Variants in ERGIC1 observed in about 807,000 individuals in gnomAD.
ERGIC1 encodes the protein endoplasmic reticulum-Golgi intermediate compartment protein 1.
In ERGIC1, 19 loss-of-function variants were observed where a neutral mutation model predicts 38.3. The ratio of observed to expected loss-of-function variants is 0.50; its 90% CI spans 0.35 to 0.73. ERGIC1 has a LOEUF of 0.73. ERGIC1 is among the 30% of genes least tolerant of loss of function. The pLI is 0.01. For synonymous variants in ERGIC1, 124 were observed against 157.6 expected, an observed-to-expected ratio of 0.79 and a Z score of 1.60; for missense variants, 294 against 389.2, an observed-to-expected ratio of 0.76 and a Z score of 2.06.
intron 1 of ERGIC1, among the ~76,000 whole-genome samples, chr5:172,886,156 AGC>A (rs1762412283): frequency 6.6e-6 from 1 of 151,536 alleles, no homozygotes; most frequent in Non-Finnish European, 1.5e-5. Context: ...GAGACTCCCT[AGC>A]CACAGCCTGG....
intron 3 of ERGIC1, among the ~76,000 whole-genome samples, chr5:172,897,395 C>G (rs1338398757): frequency 6.7e-6 from 1 of 148,750 alleles, no homozygotes; most frequent in African/African-American, 2.5e-5. Flanking sequence ...CGCCACTGCA[C>G]TCCAGCCTGA....
At chr5:172,927,657 G>A (rs1763686059) in intron 7 of ERGIC1, among the ~76,000 whole-genome samples, 1 of 148,314 alleles carries the variant, frequency 6.7e-6, no homozygotes, top group Admixed American at 6.9e-5. Flanking sequence ...TCGGCTCACT[G>A]CAACCTCAGC....
At chr5:172,899,741 CA>C (rs1456649647) in intron 3 of ERGIC1, among the ~76,000 whole-genome samples, 1 of 152,138 alleles carries the variant, frequency 6.6e-6, no homozygotes, top group East Asian at 1.9e-4. Flanking sequence ...AACAAGCAAA[CA>C]AAACTAGACT....
intron 5 of ERGIC1, among the ~76,000 whole-genome samples, chr5:172,920,947 A>G (rs1171561721): frequency 3.9e-5 from 6 of 152,130 alleles, no homozygotes; most frequent in Non-Finnish European, 7.4e-5. Context: ...CATTATTTTT[A>G]TCGGTGAAAA....
intron 1 of ERGIC1, among the ~76,000 whole-genome samples, chr5:172,847,794 T>A (rs1469043514): frequency 6.6e-6 from 1 of 152,270 alleles, no homozygotes; most frequent in Admixed American, 6.5e-5. Flanking sequence ...ATTACAGGCA[T>A]GTGCCACCAC....
intron 7 of ERGIC1, among the ~76,000 whole-genome samples, chr5:172,928,558 C>G (rs540521534): frequency 2.0e-5 from 3 of 152,362 alleles, no homozygotes; most frequent in Non-Finnish European, 4.4e-5. Context: ...TCTGAAATCA[C>G]CTTGTTCTCC....
At chr5:172,893,566 G>C (rs1299915407) in intron 2 of ERGIC1, among the ~76,000 whole-genome samples, 1 of 151,952 alleles carries the variant, frequency 6.6e-6, no homozygotes, top group East Asian at 1.9e-4. Context: ...TCAGAAAGTT[G>C]CAAGCTTCCA....
intron 1 of ERGIC1, among the ~76,000 whole-genome samples, chr5:172,888,472 A>G (rs949017042): frequency 2.0e-5 from 3 of 151,884 alleles, no homozygotes; most frequent in Non-Finnish European, 4.4e-5. Flanking sequence ...AAAAAAAAAG[A>G]AATGTTATGA....
intron 9 of ERGIC1, chr5:172,938,130 C>T (rs1763926626): frequency 6.6e-6 from 1 of 152,162 alleles, no homozygotes; most frequent in Non-Finnish European, 1.5e-5. Context: ...TGCACAAACC[C>T]CAGGACCCAA....
intron 1 of ERGIC1, among the ~76,000 whole-genome samples, chr5:172,848,399 G>C (rs1761330228): frequency 6.6e-6 from 1 of 152,160 alleles, no homozygotes; most frequent in African/African-American, 2.4e-5. Flanking sequence ...GGAGCTCACT[G>C]GATTAGCTTG....
chr5:172,893,905 A>ATATGTGTGTGTGTGTGTG (rs1173039695), intron 2 of ERGIC1, among the ~76,000 whole-genome samples: 13 of 15,536 alleles, frequency 8.4e-4, no homozygotes, highest in Non-Finnish European at 2.5e-3. Context: ...ATATATATAT[A>ATATGTGTGTGTGTGTGTG]TGTGTGTGTG....
At chr5:172,857,457 TCA>T (rs754365372) in intron 1 of ERGIC1, among the ~76,000 whole-genome samples, 2 of 152,166 alleles carry the variant, frequency 1.3e-5, no homozygotes, top group Admixed American at 6.5e-5. Flanking sequence ...AGCCTGGGAC[TCA>T]CTGCCTTGTG....
At chr5:172,913,483 C>T (rs1019375930) in intron 4 of ERGIC1, among the ~76,000 whole-genome samples, 22 of 152,230 alleles carry the variant, frequency 1.4e-4, no homozygotes, top group African/African-American at 4.8e-4. Context: ...AGGGTCATTT[C>T]GAATGGCTCC....
intron 2 of ERGIC1, among the ~76,000 whole-genome samples, chr5:172,890,229 C>T (rs1013930405): frequency 6.6e-6 from 1 of 152,188 alleles, no homozygotes; most frequent in African/African-American, 2.4e-5. Flanking sequence ...TAGGAAAACT[C>T]ACAATCCCAG....
chr5:172,902,995 C>T (rs1762923193), intron 3 of ERGIC1, among the ~76,000 whole-genome samples: 1 of 152,010 alleles, frequency 6.6e-6, no homozygotes, highest in Non-Finnish European at 1.5e-5. Flanking sequence ...CTCCCCAGGC[C>T]CTTGCGTACC....
intron 1 of ERGIC1, among the ~76,000 whole-genome samples, chr5:172,868,462 T>C (rs1046520567): frequency 6.6e-6 from 1 of 152,232 alleles, no homozygotes; most frequent in African/African-American, 2.4e-5. Flanking sequence ...GAAAAGGTTC[T>C]ATACCATATG....
intron 3 of ERGIC1, 76 bp from the exon 4 acceptor site, chr5:172,909,591 G>C: frequency 7.3e-7 from 1 of 1,370,784 alleles, no homozygotes. Context: ...CAAGTGAAGT[G>C]ATCCCCGGCT....
At chr5:172,893,282 G>A (rs1383106356) in intron 2 of ERGIC1, among the ~76,000 whole-genome samples, 2 of 152,014 alleles carry the variant, frequency 1.3e-5, no homozygotes, top group African/African-American at 4.8e-5. Flanking sequence ...CAAGTGGTTG[G>A]GATTACAGGC....
chr5:172,898,302 G>GCC (rs1284374389), intron 3 of ERGIC1: 1 of 154,946 alleles, frequency 6.5e-6, no homozygotes, highest in African/African-American at 2.4e-5. Flanking sequence ...GGAGGGAGCT[G>GCC]CCCCCTCTTT....
Sources: allele counts gnomAD v4.1 joint callset (sites outside exome capture counted in the v4.1 genomes callset), GRCh38; gene constraint gnomAD v4.1.1; transcripts MANE v1.5; gene names NCBI Gene and HGNC (gene_info 2026-07-23, HGNC 2026-07-21).